Variants in CTNNA3 observed in about 807,000 individuals in gnomAD.
The protein encoded by CTNNA3 is catenin alpha 3.
CTNNA3 carries 76 observed loss-of-function variants against 95.7 expected under a neutral mutation model. The ratio of observed to expected loss-of-function variants is 0.79; its 90% CI spans 0.66 to 0.96. The LOEUF is 0.96. Ranked by LOEUF, CTNNA3 falls within the 40% of genes least tolerant of loss-of-function variation. The probability of loss-of-function intolerance (pLI) is 0.00; values close to 1 mark genes in which losing one functional copy is unlikely to be tolerated. For synonymous variants in CTNNA3, 431 were observed against 374.4 expected (o/e 1.15, Z -1.74); for missense variants, 1,191 against 1,089.8 (o/e 1.09, Z -1.31).
At chr10:67,189,172 G>A (rs1863005991) in intron 6 of CTNNA3, among the ~76,000 whole-genome samples, 1 of 151,436 alleles carries the variant, frequency 6.6e-6, no homozygotes, top group South Asian at 2.1e-4. Context: ...TCTGTCATTT[G>A]CAGCAAGATG....
At chr10:67,140,824 G>T (rs1265245985) in intron 7 of CTNNA3, among the ~76,000 whole-genome samples, 1 of 152,072 alleles carries the variant, frequency 6.6e-6, no homozygotes, top group Non-Finnish European at 1.5e-5. Context: ...GGTGAGAGAG[G>T]GCCTTCAAAC....
intron 13 of CTNNA3, among the ~76,000 whole-genome samples, chr10:66,247,600 G>A (rs1321948288): frequency 6.6e-6 from 1 of 152,116 alleles, no homozygotes; most frequent in African/African-American, 2.4e-5. Flanking sequence ...TGCAGCAAGA[G>A]AAAAGAAATA....
At chr10:67,736,826 A>C (rs931593303) in intron 1 of CTNNA3, among the ~76,000 whole-genome samples, 1 of 152,148 alleles carries the variant, frequency 6.6e-6, no homozygotes. Context: ...CATTTACAGA[A>C]TATTTCACCA....
chr10:67,002,364 C>T (rs1454763817), intron 7 of CTNNA3, among the ~76,000 whole-genome samples: 4 of 152,114 alleles, frequency 2.6e-5, no homozygotes, highest in Admixed American at 2.0e-4. Context: ...TCATTGTTTA[C>T]ATTCTATACA....
At chr10:66,120,460 C>G (rs1173552239) in intron 13 of CTNNA3, among the ~76,000 whole-genome samples, 2 of 151,840 alleles carry the variant, frequency 1.3e-5, no homozygotes, top group Non-Finnish European at 2.9e-5. Context: ...GTCCAGTTAT[C>G]TACTGACTAG....
chr10:66,331,107 T>C (rs1689554688), intron 12 of CTNNA3, among the ~76,000 whole-genome samples: 1 of 152,002 alleles, frequency 6.6e-6, no homozygotes, highest in Non-Finnish European at 1.5e-5. Context: ...TTTGTTGCCA[T>C]TGCTTTTGGT....
intron 7 of CTNNA3, among the ~76,000 whole-genome samples, chr10:66,962,384 G>GT (rs577757295): frequency 5.4e-5 from 8 of 149,424 alleles, no homozygotes; most frequent in South Asian, 4.3e-4. Context: ...ACTCCTCTAA[G>GT]TTTTTTTTTG....
At chr10:66,682,485 A>G (rs1847100566) in intron 9 of CTNNA3, among the ~76,000 whole-genome samples, 1 of 152,152 alleles carries the variant, frequency 6.6e-6, no homozygotes, top group Non-Finnish European at 1.5e-5. Context: ...AAAAAGACAG[A>G]CATAGAGAGC....
chr10:66,147,514 C>T lies in CTNNA3; in HGVS notation c.1885-44265G>A, dbSNP rs192622218. 5.0e-3 allele frequency among the ~76,000 whole-genome samples: 758 copies of T among 151,424 alleles called. 2 individuals are homozygous for T. The highest frequency in any genetic ancestry group is 7.5e-3 in the Non-Finnish European group (510 of 67,848). ...GTTTGTAGAACAACAGATGACTCTC[C>T]CTCATTTATTTTTAAAGGCTACATA... On this transcript the variant is annotated intron_variant, in intron 13 of 17. Transcript: ENST00000433211.
intron 7 of CTNNA3, among the ~76,000 whole-genome samples, chr10:66,825,304 C>T (rs1316939687): frequency 1.4e-5 from 2 of 146,054 alleles, no homozygotes; most frequent in Admixed American, 6.9e-5. Flanking sequence ...GAGATGGAGT[C>T]GTGCTCTGTC....
intron 7 of CTNNA3, among the ~76,000 whole-genome samples, chr10:66,877,262 C>A (rs1188794850): frequency 6.6e-6 from 1 of 152,088 alleles, no homozygotes; most frequent in African/African-American, 2.4e-5. Context: ...TGGCCAAGCC[C>A]CAAAACGTAA....
intron 6 of CTNNA3, among the ~76,000 whole-genome samples, chr10:67,213,396 T>C (rs1864221948): frequency 6.6e-6 from 1 of 151,784 alleles, no homozygotes; most frequent in Non-Finnish European, 1.5e-5. Context: ...TTACAAATAA[T>C]ACACTTTTGG....
chr10:67,003,029 A>T (rs1295131778), intron 7 of CTNNA3, among the ~76,000 whole-genome samples: 2 of 152,162 alleles, frequency 1.3e-5, no homozygotes, highest in Non-Finnish European at 2.9e-5. Context: ...GATACTATTT[A>T]TAATGCCATG....
intron 9 of CTNNA3, among the ~76,000 whole-genome samples, chr10:66,668,735 C>T (rs556219172): frequency 2.0e-5 from 3 of 152,044 alleles, no homozygotes; most frequent in Admixed American, 2.0e-4. Context: ...TCACTTAAAC[C>T]TGGGCGGTGG....
intron 5 of CTNNA3, among the ~76,000 whole-genome samples, chr10:67,307,145 A>G (rs919704441): frequency 1.3e-5 from 2 of 152,132 alleles, no homozygotes; most frequent in East Asian, 1.9e-4. Flanking sequence ...GTATTTTTGG[A>G]CTTCATTTTC....
At chr10:66,830,758 C>T (rs572173113) in intron 7 of CTNNA3, among the ~76,000 whole-genome samples, 13 of 152,132 alleles carry the variant, frequency 8.5e-5, no homozygotes, top group Admixed American at 2.0e-4. Context: ...TACAGGCGCC[C>T]GCCATCACGC....
rs542654274 is a variant in CTNNA3 at position 66,302,173 on chromosome 10, T to C, written c.1733-21552A>G. 7.9e-5 allele frequency among the ~76,000 whole-genome samples: 12 copies of C among 152,128 alleles called. 1 individual carries two copies. Among genetic ancestry groups the C allele is most frequent in the African/African-American group, 2.9e-4 (12 of 41,544 alleles). ...CTCTGATGAAAGAATTCAAAGAAGA[T>C]CTACATAAATGGAGAGTGAGTTCCG... On this transcript the variant is annotated intron_variant, in intron 12 of 17. Coordinates refer to ENST00000433211, the MANE Select transcript of CTNNA3 (RefSeq NM_013266.4).
chr10:66,964,806 C>A (rs755025828), intron 7 of CTNNA3, among the ~76,000 whole-genome samples: 3 of 152,158 alleles, frequency 2.0e-5, no homozygotes, highest in Non-Finnish European at 2.9e-5. Context: ...AGGCAGACTG[C>A]AAACCCATCC....
intron 1 of CTNNA3, among the ~76,000 whole-genome samples, chr10:67,676,781 C>T (rs1028360160): frequency 2.0e-5 from 3 of 152,118 alleles, no homozygotes; most frequent in South Asian, 2.1e-4. Context: ...CATACCATTC[C>T]GGCAAATGTA....
Sources: gnomAD v4.1 joint callset for allele counts (sites outside exome capture counted in the v4.1 genomes callset) on GRCh38, gnomAD v4.1.1 for gene constraint, MANE v1.5 for transcripts, NCBI Gene and HGNC (gene_info 2026-07-23, HGNC 2026-07-21) for gene names.